Variants in DIAPH2 observed in about 807,000 individuals in gnomAD.
The protein encoded by DIAPH2 is diaphanous related formin 2.
A neutral mutation model predicts 92.7 loss-of-function variants in DIAPH2; 35 were observed. That is an observed-to-expected ratio of 0.38 (90% CI 0.29 to 0.50). DIAPH2 has a LOEUF of 0.50. Ranked by LOEUF, DIAPH2 falls within the 20% of genes least tolerant of loss-of-function variation. The pLI is 0.94. For missense variants in DIAPH2, 701 were observed against 819.5 expected, an observed-to-expected ratio of 0.86 and a Z score of 1.77; for synonymous variants, 301 against 280.4, an observed-to-expected ratio of 1.07 and a Z score of -0.73.
intron 23 of DIAPH2, among the ~76,000 whole-genome samples, chrX:97,277,289 G>A (rs1056791597): frequency 3.4e-4 from 38 of 111,404 alleles, no homozygotes; most frequent in African/African-American, 1.2e-3. Flanking sequence ...AGTGAGCAGA[G>A]ATTGCGCCAC....
chrX:96,972,247 G>A (rs1042393373), intron 17 of DIAPH2, among the ~76,000 whole-genome samples: 4 of 111,417 alleles, frequency 3.6e-5, no homozygotes, highest in African/African-American at 1.3e-4. Context: ...TCCTCACTAC[G>A]TGTACTGTAA....
At chrX:96,744,404 A>G (rs1309340166) in intron 3 of DIAPH2, among the ~76,000 whole-genome samples, 1 of 112,552 alleles carries the variant, frequency 8.9e-6, no homozygotes, top group East Asian at 2.8e-4. Context: ...GCTGAGCCGA[A>G]ACTTAAATTT....
At chrX:97,266,354 C>T (rs990138212) in intron 23 of DIAPH2, among the ~76,000 whole-genome samples, 6 of 112,058 alleles carry the variant, frequency 5.4e-5, no homozygotes, top group Non-Finnish European at 9.4e-5. Context: ...TATTATGTTT[C>T]ATAAGGACTC....
chrX:96,936,539 G>A (rs980818833), intron 10 of DIAPH2, among the ~76,000 whole-genome samples: 3 of 111,468 alleles, frequency 2.7e-5, no homozygotes, highest in Non-Finnish European at 5.7e-5. Flanking sequence ...AGTGTGGCAT[G>A]CTTCTAAATT....
chrX:97,528,808 T>A (rs1202461351), intron 26 of DIAPH2: 1 of 111,391 alleles, frequency 9.0e-6, no homozygotes, highest in African/African-American at 3.3e-5. Flanking sequence ...CTTCTAAGTG[T>A]CAAAGGTTGA....
intron 22 of DIAPH2, among the ~76,000 whole-genome samples, chrX:97,215,041 G>C (rs771580988): frequency 1.8e-5 from 2 of 109,985 alleles, no homozygotes; most frequent in African/African-American, 3.3e-5. Flanking sequence ...CTATAATCTT[G>C]CTTAAGAAAA....
chrX:97,223,558 A>C (rs767714533), intron 22 of DIAPH2, among the ~76,000 whole-genome samples: 1 of 111,815 alleles, frequency 8.9e-6, no homozygotes, highest in East Asian at 2.8e-4. Flanking sequence ...ATATAATTGA[A>C]TATAAGTCAA....
At chrX:96,872,062 T>G (rs1233104960) in intron 4 of DIAPH2, among the ~76,000 whole-genome samples, 1 of 111,913 alleles carries the variant, frequency 8.9e-6, no homozygotes, top group Non-Finnish European at 1.9e-5. Flanking sequence ...GTGTATATAC[T>G]TAAGGGGTAC....
chrX:97,403,505 G>A (rs945724548), intron 25 of DIAPH2, among the ~76,000 whole-genome samples: 2 of 112,038 alleles, frequency 1.8e-5, no homozygotes, highest in African/African-American at 6.5e-5. Flanking sequence ...AGATTTTGCC[G>A]ATGAGATTCC....
At chrX:97,000,402 C>T (rs12844369) in intron 17 of DIAPH2, among the ~76,000 whole-genome samples, 7,217 of 111,980 alleles carry the variant, frequency 0.064, 219 homozygotes, top group Middle Eastern at 0.14. Context: ...TTTAATCCCG[C>T]AGCTTTTAGC....
intron 4 of DIAPH2, among the ~76,000 whole-genome samples, chrX:96,837,427 CTCTCTCTGTGTGTGTG>C (rs1180139102): frequency 5.0e-5 from 2 of 40,023 alleles, no homozygotes; most frequent in African/African-American, 5.0e-4. Context: ...CTCTCTCTCT[CTCTCTCTGTGTGTGTG>C]TGTGTGTGTG....
chrX:97,562,260 C>T (rs917249881), intron 26 of DIAPH2, among the ~76,000 whole-genome samples: 28 of 107,928 alleles, frequency 2.6e-4, no homozygotes, highest in African/African-American at 8.1e-4. Flanking sequence ...CTTTGGTAGG[C>T]GGAGGCAGGC....
chrX:97,472,646 G>A (rs2070572379), intron 26 of DIAPH2, among the ~76,000 whole-genome samples: 1 of 111,783 alleles, frequency 8.9e-6, no homozygotes, highest in African/African-American at 3.2e-5. Flanking sequence ...TTTTTAAATT[G>A]CCATAGTTAT....
intron 23 of DIAPH2, among the ~76,000 whole-genome samples, chrX:97,264,980 C>G (rs1569345045): frequency 9.4e-6 from 1 of 106,376 alleles, no homozygotes; most frequent in African/African-American, 3.4e-5. Flanking sequence ...AAGACTGTCT[C>G]AAAAAAAAAC....
At chrX:96,725,437 A>C (rs2147555002) in intron 1 of DIAPH2, among the ~76,000 whole-genome samples, 1 of 112,324 alleles carries the variant, frequency 8.9e-6, no homozygotes, top group African/African-American at 3.2e-5. Context: ...TTTTCTGAAA[A>C]TTATTTTTTG....
chrX:97,032,581 A>T (rs1023530064), intron 17 of DIAPH2, among the ~76,000 whole-genome samples: 1 of 108,636 alleles, frequency 9.2e-6, no homozygotes, highest in Non-Finnish European at 1.9e-5. Context: ...TAATTTCCCT[A>T]ATTTTTAAGC....
chrX:97,420,356 T>C (rs1322300886), intron 25 of DIAPH2, among the ~76,000 whole-genome samples: 2 of 112,013 alleles, frequency 1.8e-5, no homozygotes, highest in East Asian at 5.6e-4. Context: ...TGTAGACATT[T>C]TGGGAGAAAT....
intron 17 of DIAPH2, among the ~76,000 whole-genome samples, chrX:97,023,396 A>G (rs1020943688): frequency 9.8e-5 from 11 of 111,857 alleles, no homozygotes; most frequent in Admixed American, 4.7e-4. Context: ...AGTGCTTGCT[A>G]TGTACCAGAC....
chrX:97,028,491 T>C (rs1390923240), intron 17 of DIAPH2, among the ~76,000 whole-genome samples: 1 of 112,117 alleles, frequency 8.9e-6, no homozygotes, highest in Non-Finnish European at 1.9e-5. Context: ...TGTCAATCAC[T>C]AACCTATTTT....
Sources: gnomAD v4.1 joint callset for allele counts (sites outside exome capture counted in the v4.1 genomes callset) on GRCh38, gnomAD v4.1.1 for gene constraint, MANE v1.5 for transcripts, NCBI Gene and HGNC (gene_info 2026-07-23, HGNC 2026-07-21) for gene names.